The following PHF24 variants were observed in gnomAD, a reference collection of about 807,000 sequenced individuals.
PHF24 encodes the protein PHD finger protein 24.
A neutral mutation model predicts 42.6 loss-of-function variants in PHF24; 25 were observed. The observed-to-expected ratio is 0.59, with a 90% CI of 0.43 to 0.82. The LOEUF (loss-of-function observed/expected upper bound fraction) is 0.82, where lower values mean the gene tolerates loss of function less well. Among genes scored for constraint, PHF24 ranks in the 40% least tolerant of loss-of-function variants. The pLI, the probability that PHF24 is intolerant of heterozygous loss-of-function variation, is 0.00. For synonymous variants in PHF24, 185 were observed against 204.8 expected, an observed-to-expected ratio of 0.90 and a Z score of 0.83; for missense variants, 470 against 538.1, an observed-to-expected ratio of 0.87 and a Z score of 1.25.
chr9:34,917,595 T>C, the PHF24 span: 4 of 775,334 alleles, frequency 5.2e-6, no homozygotes, highest in African/African-American at 6.8e-5. Flanking sequence ...TATACCCTCA[T>C]GGGGACAAAT....
At chr9:34,764,569 T>C in the PHF24 span, among the ~76,000 whole-genome samples, 1 of 152,020 alleles carries the variant, frequency 6.6e-6, no homozygotes, top group Non-Finnish European at 1.5e-5. Flanking sequence ...TTTTATTGCG[T>C]CTATTTGATT....
chr9:34,835,729 G>A, the PHF24 span: 1 of 1,551,062 alleles, frequency 6.4e-7, no homozygotes, highest in Non-Finnish European at 8.7e-7. Flanking sequence ...TATGCCATCT[G>A]CATACGTTGA....
At chr9:34,713,475 A>C in the PHF24 span, among the ~76,000 whole-genome samples, 1 of 151,848 alleles carries the variant, frequency 6.6e-6, no homozygotes, top group African/African-American at 2.4e-5. Flanking sequence ...CTGAAAGACC[A>C]GCAACCTCTC....
chr9:34,890,986 T>C, the PHF24 span, among the ~76,000 whole-genome samples: 3 of 151,968 alleles, frequency 2.0e-5, no homozygotes, highest in Non-Finnish European at 4.4e-5. Flanking sequence ...GAGGCTCTGA[T>C]GGGCTCAATC....
the PHF24 span, among the ~76,000 whole-genome samples, chr9:34,888,144 G>C: frequency 6.6e-6 from 1 of 152,088 alleles, no homozygotes; most frequent in African/African-American, 2.4e-5. Flanking sequence ...ACTAATGCCT[G>C]CTCATCCTTT....
At chr9:34,823,186 T>G in the PHF24 span, among the ~76,000 whole-genome samples, 81,899 of 132,568 alleles carry the variant, frequency 0.62, 24,825 homozygotes, top group Middle Eastern at 0.71. Flanking sequence ...CTGGGCGACA[T>G]AGCGAGACTC....
chr9:34,870,842 T>A, the PHF24 span, among the ~76,000 whole-genome samples: 1 of 152,192 alleles, frequency 6.6e-6, no homozygotes, highest in Non-Finnish European at 1.5e-5. Flanking sequence ...ATACTAAAGT[T>A]TATTCATCTA....
the PHF24 span, chr9:34,832,837 A>G: frequency 5.9e-3 from 9,230 of 1,551,624 alleles, 76 homozygotes; most frequent in East Asian, 0.049. Context: ...GGGTATTCTC[A>G]GGAATTGTTG....
the PHF24 span, chr9:34,709,724 A>G: frequency 1.2e-6 from 2 of 1,613,406 alleles, no homozygotes; most frequent in East Asian, 2.2e-5. Flanking sequence ...CTTGCCCACC[A>G]TGCCCTCCCC....
chr9:34,971,171 A>G, intron 1 of PHF24, 124 bp from the exon 2 acceptor site: 1 of 965,544 alleles, frequency 1.0e-6, no homozygotes, highest in Non-Finnish European at 1.5e-6. Context: ...TGCTGTCTCC[A>G]CCCCCACCAT....
chr9:34,755,492 A>T, the PHF24 span, among the ~76,000 whole-genome samples: 2 of 151,416 alleles, frequency 1.3e-5, no homozygotes, highest in Non-Finnish European at 2.9e-5. Flanking sequence ...GATGTTGAGC[A>T]TTTTTTTTGT....
chr9:34,891,080 G>A, the PHF24 span, among the ~76,000 whole-genome samples: 5 of 152,158 alleles, frequency 3.3e-5, no homozygotes, highest in African/African-American at 1.2e-4. Context: ...CCTGACAGAA[G>A]GGCCAAAACT....
the PHF24 span, among the ~76,000 whole-genome samples, chr9:34,902,028 T>TA: frequency 6.6e-6 from 1 of 152,152 alleles, no homozygotes; most frequent in Admixed American, 6.5e-5. Flanking sequence ...AGTAAAAAGA[T>TA]AATTAAAAAC....
At chr9:34,865,200 T>C in the PHF24 span, among the ~76,000 whole-genome samples, 10 of 151,366 alleles carry the variant, frequency 6.6e-5, no homozygotes, top group Non-Finnish European at 1.3e-4. Context: ...TTATTAGTTT[T>C]TTTTTTGTTT....
the PHF24 span, among the ~76,000 whole-genome samples, chr9:34,923,703 T>A: frequency 6.6e-6 from 1 of 152,152 alleles, no homozygotes; most frequent in Non-Finnish European, 1.5e-5. Context: ...GTTTAGGTCT[T>A]CCCTCTTTTT....
chr9:34,682,543 A>G, the PHF24 span, among the ~76,000 whole-genome samples: 2 of 152,092 alleles, frequency 1.3e-5, no homozygotes, highest in African/African-American at 2.4e-5. Context: ...ATGTATGTTG[A>G]TCTTGGATAG....
At chr9:34,810,884 G>A in the PHF24 span, among the ~76,000 whole-genome samples, 13 of 152,270 alleles carry the variant, frequency 8.5e-5, no homozygotes, top group African/African-American at 3.1e-4. Context: ...CGGGGGACGA[G>A]GACAAGTGAG....
the PHF24 span, among the ~76,000 whole-genome samples, chr9:34,694,068 C>T: frequency 6.6e-6 from 1 of 151,842 alleles, no homozygotes; most frequent in Non-Finnish European, 1.5e-5. Context: ...CCAAGGCTCA[C>T]CTTGGCCTCC....
exon 8 of PHF24, chr9:34,982,255 G>A (rs1827419851): frequency 1.3e-5 from 2 of 152,222 alleles, no homozygotes; most frequent in African/African-American, 4.8e-5. Flanking sequence ...GCCATCATGG[G>A]TTGGCCTGTG....
Sources: gnomAD v4.1 joint callset for allele counts (sites outside exome capture counted in the v4.1 genomes callset) on GRCh38, gnomAD v4.1.1 for gene constraint, MANE v1.5 for transcripts, NCBI Gene and HGNC (gene_info 2026-07-23, HGNC 2026-07-21) for gene names.